CBLN2: variants seen among roughly 807,000 people sequenced by gnomAD.
CBLN2 encodes cerebellin 2 precursor.
Under a neutral mutation model 15.0 loss-of-function variants are expected in CBLN2, and 7 were observed. The ratio of observed to expected loss-of-function variants is 0.47; its 90% CI spans 0.27 to 0.88. The LOEUF is 0.88. Among genes scored for constraint, CBLN2 ranks in the 40% least tolerant of loss-of-function variants. The pLI, the probability that CBLN2 is intolerant of heterozygous loss-of-function variation, is 0.14. For synonymous variants in CBLN2, 149 were observed against 135.2 expected (o/e 1.10, Z -0.71); for missense variants, 242 against 304.5 (o/e 0.79, Z 1.53).
chr18:72,541,896 C>T lies in CBLN2; in HGVS notation c.265G>A (p.Gly89Ser). Reference sequence around the variant, plus strand: ...GCGGAGAAGGCCACCTTGGCGCTGCCGGAGCGCACGGAGATGCCTAGGGAG... The same window carrying T: ...GCGGAGAAGGCCACCTTGGCGCTGCTGGAGCGCACGGAGATGCCTAGGGAG... ...TSSLGISVRS[G>S]SAKVAFSATR... Residue 89 changes from glycine to serine, a missense_variant, in exon 3 of 5, where the codon GGC (glycine) becomes AGC (serine). By Grantham distance (56) the Gly-to-Ser change is moderately conservative (BLOSUM62 0). This residue lies in a region of CBLN2 where 89 missense variants were observed against 114.2 expected (regional missense o/e 0.78). Coordinates refer to ENST00000269503, the MANE Select transcript of CBLN2 (RefSeq NM_182511.4). 1.2e-6 allele frequency: 2 copies of T among 1,607,124 alleles called. No individual in the cohort carries two copies. Among genetic ancestry groups the T allele is most frequent in the Non-Finnish European group, 1.7e-6 (2 of 1,178,714 alleles).
intron 1 of CBLN2, among the ~76,000 whole-genome samples, chr18:72,615,753 G>A (rs2069657444): frequency 1.3e-5 from 2 of 151,990 alleles, no homozygotes; most frequent in Admixed American, 6.6e-5. Context: ...ATTTCATGAC[G>A]TCAAGAGAAT....
chr18:72,625,790 CTCT>C, intron 1 of CBLN2, among the ~76,000 whole-genome samples: 1 of 55,606 alleles, frequency 1.8e-5, no homozygotes, highest in Admixed American at 2.2e-4. Context: ...ATATATGACT[CTCT>C]CTCTCTCTCT....
At chr18:72,618,892 T>A (rs1189540615) in intron 1 of CBLN2, 3 of 728,216 alleles carry the variant, frequency 4.1e-6, no homozygotes, top group Non-Finnish European at 5.0e-6. Context: ...TGGAGGTGGC[T>A]TTGGTGGGAA....
chr18:72,602,325 TGAG>T (rs1248844820), intron 1 of CBLN2, among the ~76,000 whole-genome samples: 2 of 152,180 alleles, frequency 1.3e-5, no homozygotes, highest in African/African-American at 4.8e-5. Flanking sequence ...CTGGGTCTGG[TGAG>T]GAGAAGGCCA....
At chr18:72,558,266 C>T (rs1218036057) in intron 1 of CBLN2, among the ~76,000 whole-genome samples, 1 of 152,170 alleles carries the variant, frequency 6.6e-6, no homozygotes, top group Non-Finnish European at 1.5e-5. Context: ...TACCCCATAA[C>T]ATCTCTGGAC....
intron 1 of CBLN2, among the ~76,000 whole-genome samples, chr18:72,624,721 A>G (rs534622067): frequency 4.2e-4 from 64 of 152,218 alleles, no homozygotes; most frequent in Non-Finnish European, 7.1e-4. Context: ...AAAATGCTTA[A>G]TTTTGCTGAG....
At chr18:72,627,450 C>T (rs912441472) in intron 1 of CBLN2, among the ~76,000 whole-genome samples, 11 of 152,182 alleles carry the variant, frequency 7.2e-5, no homozygotes, top group African/African-American at 9.6e-5. Context: ...GTGGCAGGCC[C>T]TAATAGGACT....
At chr18:72,568,013 C>A (rs982369571) in intron 1 of CBLN2, among the ~76,000 whole-genome samples, 8 of 152,176 alleles carry the variant, frequency 5.3e-5, no homozygotes, top group African/African-American at 1.9e-4. Flanking sequence ...TTTACATACT[C>A]ATTTTCACCT....
intron 3 of CBLN2, among the ~76,000 whole-genome samples, chr18:72,540,901 GATTAGGTA>G (rs1350451498): frequency 6.6e-6 from 1 of 152,160 alleles, no homozygotes; most frequent in Non-Finnish European, 1.5e-5. Flanking sequence ...TTGGTAAAAT[GATTAGGTA>G]ATTAGCTAAT....
intron 1 of CBLN2, among the ~76,000 whole-genome samples, chr18:72,632,274 G>A (rs1299792199): frequency 6.6e-6 from 1 of 151,908 alleles, no homozygotes; most frequent in Non-Finnish European, 1.5e-5. Context: ...TTTTAAATGA[G>A]GTCTCTGTTT....
At chr18:72,622,807 C>T (rs987914780) in intron 1 of CBLN2, among the ~76,000 whole-genome samples, 1 of 152,086 alleles carries the variant, frequency 6.6e-6, no homozygotes, top group East Asian at 1.9e-4. Context: ...ACATGCAGTA[C>T]CCCCCTCCGT....
chr18:72,548,526 C>G (rs2069172736), upstream of CBLN2, among the ~76,000 whole-genome samples: 1 of 152,134 alleles, frequency 6.6e-6, no homozygotes. Flanking sequence ...ACTAAAAATA[C>G]CTGGTTATCG....
chr18:72,626,674 T>C (rs1042403819), intron 1 of CBLN2, among the ~76,000 whole-genome samples: 1 of 152,032 alleles, frequency 6.6e-6, no homozygotes, highest in Non-Finnish European at 1.5e-5. Flanking sequence ...TACTCCAACC[T>C]TGGCGACAGA....
rs190003778 is a variant in CBLN2, at chr18:72,577,241, G to T, written c.16-38469C>A. 6.3e-3 allele frequency among the ~76,000 whole-genome samples: 946 copies of T among 151,012 alleles called. 4 individuals are homozygous for T. Among genetic ancestry groups the T allele is most frequent in the Middle Eastern group, 0.017 (5 of 292 alleles). ...ATATGTTAACAATGGTTATCTGTAG[G>T]GCATTTTTATTTTCTTATATATAAT... On this transcript the variant is annotated intron_variant, in intron 1 of 2. Transcript: ENST00000581073.
chr18:72,538,485 C>T, intron 4 of CBLN2, 112 bp from the exon 5 acceptor site: 3 of 1,425,262 alleles, frequency 2.1e-6, no homozygotes, highest in Non-Finnish European at 2.9e-6. Context: ...TTAGAGTACA[C>T]ATCAGGGGAG....
At position 72,537,443 on chromosome 18, in the gene CBLN2, A is replaced by G. The variant is rs775450068; in HGVS notation, c.*733T>C. 2.0e-5 allele frequency: 3 copies of G among 152,468 alleles called. No homozygotes were observed. Among genetic ancestry groups the G allele is most frequent in the Non-Finnish European group, 4.4e-5 (3 of 68,020 alleles). 9.4% of individuals were successfully genotyped at this position (152,468 alleles called of 1,614,324 possible). On this transcript the variant is annotated 3_prime_UTR_variant, in exon 5 of 5. Coordinates refer to ENST00000269503, the MANE Select transcript of CBLN2 (RefSeq NM_182511.4). Reference sequence around the variant, plus strand: ...TTGTTTGGTCTTATCCAGGAATTCTATATTTTCTCTCCTCAACCCCAGCAA... The same window carrying G: ...TTGTTTGGTCTTATCCAGGAATTCTGTATTTTCTCTCCTCAACCCCAGCAA...
chr18:72,620,239 CCAGTGTGACAG>C (rs2069691131), intron 1 of CBLN2: 1 of 152,196 alleles, frequency 6.6e-6, no homozygotes, highest in Non-Finnish European at 1.5e-5. Flanking sequence ...GGGCAAAGGG[CCAGTGTGACAG>C]CCTTTTTTTT....
chr18:72,575,823 T>A, intron 1 of CBLN2, among the ~76,000 whole-genome samples: 1 of 129,774 alleles, frequency 7.7e-6, no homozygotes, highest in Admixed American at 7.9e-5. Flanking sequence ...ATTGGCTGAG[T>A]AATCATCCCT....
chr18:72,628,066 A>T (rs2144975514), intron 1 of CBLN2, among the ~76,000 whole-genome samples: 1 of 152,320 alleles, frequency 6.6e-6, no homozygotes, highest in South Asian at 2.1e-4. Context: ...ATTCTTGATG[A>T]CAACAGTGAT....
Sources: allele counts gnomAD v4.1 joint callset (sites outside exome capture counted in the v4.1 genomes callset), GRCh38; gene constraint gnomAD v4.1.1; regional missense constraint gnomAD v4.1.1; transcripts MANE v1.5; gene names NCBI Gene and HGNC (gene_info 2026-07-23, HGNC 2026-07-21).